NAALADL2: variants seen among roughly 807,000 people sequenced by gnomAD.
NAALADL2 encodes N-acetylated alpha-linked acidic dipeptidase like 2, also known as inactive N-acetylated-alpha-linked acidic dipeptidase-like protein 2.
In NAALADL2, 76 loss-of-function variants were observed where a neutral mutation model predicts 87.2. The observed-to-expected ratio is 0.87, with a 90% confidence interval of 0.72 to 1.05. The LOEUF (loss-of-function observed/expected upper bound fraction) is 1.05. Ranked by LOEUF, NAALADL2 falls within the 50% of genes least tolerant of loss-of-function variation. The pLI is 0.00. For missense variants in NAALADL2, 1,089 were observed against 945.8 expected (o/e 1.15, Z -1.99); for synonymous variants, 354 against 331.0 (o/e 1.07, Z -0.75).
chr3:175,334,796 T>C (rs908602681), intron 5 of NAALADL2, among the ~76,000 whole-genome samples: 11 of 152,262 alleles, frequency 7.2e-5, no homozygotes, highest in Non-Finnish European at 1.5e-4. Context: ...CACAGCAGGA[T>C]TGGATAAAGG....
chr3:175,072,582 C>A (rs917013344), intron 1 of NAALADL2, among the ~76,000 whole-genome samples: 15 of 149,940 alleles, frequency 1.0e-4, no homozygotes, highest in Admixed American at 6.1e-4. Flanking sequence ...CCATCTTGAA[C>A]AGACATTACT....
chr3:175,611,848 G>T (rs1016884899), intron 10 of NAALADL2, among the ~76,000 whole-genome samples: 2 of 152,116 alleles, frequency 1.3e-5, no homozygotes, highest in African/African-American at 4.8e-5. Context: ...ATCCACTGGG[G>T]CTAAAATAGT....
chr3:175,743,419 G>C (rs1380203324), intron 12 of NAALADL2, among the ~76,000 whole-genome samples: 1 of 152,134 alleles, frequency 6.6e-6, no homozygotes, highest in Non-Finnish European at 1.5e-5. Flanking sequence ...AGGGTGTCCT[G>C]AACCCCATCA....
chr3:174,918,375 T>TAAAAAATG (rs1734696887), intron 1 of NAALADL2, among the ~76,000 whole-genome samples: 1 of 152,046 alleles, frequency 6.6e-6, no homozygotes, highest in African/African-American at 2.4e-5. Context: ...ACTTTTTCTG[T>TAAAAAATG]AAAAAATGGA....
Position 175,776,004 on chromosome 3 carries a change from G to A in NAALADL2, c.2189+20586G>A, listed in dbSNP as rs570374458. On this transcript the variant is annotated intron_variant, in intron 13 of 13. Transcript: ENST00000454872. Reference sequence around the variant, plus strand: ...CTGTATCCTTTTCTCCCTCACTTCCGTCTAAGAGTAAAAGCGATTTTTTCC... The same window carrying A: ...CTGTATCCTTTTCTCCCTCACTTCCATCTAAGAGTAAAAGCGATTTTTTCC... 3.9e-5 allele frequency among the ~76,000 whole-genome samples: 6 copies of A among 151,946 alleles called. No homozygotes were observed. In the South Asian group the frequency reaches 1.0e-3, roughly 26 times the overall value.
chr3:174,501,192 C>G (rs1342494109), intron 1 of NAALADL2, among the ~76,000 whole-genome samples: 1 of 142,724 alleles, frequency 7.0e-6, no homozygotes, highest in Admixed American at 6.7e-5. Context: ...CATTCTCCTG[C>G]CTCAGCCTCC....
At chr3:175,435,424 A>T (rs920229907) in intron 5 of NAALADL2, among the ~76,000 whole-genome samples, 1 of 152,084 alleles carries the variant, frequency 6.6e-6, no homozygotes, top group African/African-American at 2.4e-5. Context: ...ATTTCAACTA[A>T]CATATAATTA....
At chr3:175,313,638 A>G (rs913156188) in intron 4 of NAALADL2, among the ~76,000 whole-genome samples, 31 of 152,208 alleles carry the variant, frequency 2.0e-4, no homozygotes, top group Admixed American at 2.0e-3. Context: ...TTCAACTACT[A>G]TTCCCTTGCT....
chr3:175,313,397 G>T (rs1758633117), intron 4 of NAALADL2, among the ~76,000 whole-genome samples: 1 of 152,108 alleles, frequency 6.6e-6, no homozygotes, highest in Admixed American at 6.5e-5. Flanking sequence ...AGCTTTTCTA[G>T]CTATAGAGGC....
intron 2 of NAALADL2, among the ~76,000 whole-genome samples, chr3:175,175,119 G>T (rs1473730134): frequency 6.6e-6 from 1 of 151,922 alleles, no homozygotes; most frequent in Non-Finnish European, 1.5e-5. Flanking sequence ...ATCCAGTAAA[G>T]ACTTGGTTTG....
chr3:175,124,914 G>A (rs1726709794), intron 2 of NAALADL2, among the ~76,000 whole-genome samples: 1 of 151,958 alleles, frequency 6.6e-6, no homozygotes, highest in Non-Finnish European at 1.5e-5. Flanking sequence ...ATATATTAGA[G>A]TAGAGACATG....
chr3:175,662,909 T>C (rs1219582083), intron 11 of NAALADL2, among the ~76,000 whole-genome samples: 1 of 151,972 alleles, frequency 6.6e-6, no homozygotes, highest in Non-Finnish European at 1.5e-5. Context: ...TTTTGAGGAA[T>C]TCAGCATTTA....
intron 5 of NAALADL2, among the ~76,000 whole-genome samples, chr3:175,387,834 T>G (rs1409911555): frequency 6.6e-6 from 1 of 152,128 alleles, no homozygotes; most frequent in East Asian, 1.9e-4. Flanking sequence ...CAGGATCTAT[T>G]CCAAACACTA....
At chr3:175,138,925 T>TATATATATATATATATATATATA (rs1729571918) in intron 2 of NAALADL2, among the ~76,000 whole-genome samples, 1 of 136,424 alleles carries the variant, frequency 7.3e-6, no homozygotes, top group African/African-American at 2.7e-5. Context: ...TATATATATA[T>TATATATATATATATATATATATA]GATAGTGAAG....
intron 5 of NAALADL2, among the ~76,000 whole-genome samples, chr3:175,411,420 G>A (rs1372602887): frequency 6.6e-6 from 1 of 152,104 alleles, no homozygotes; most frequent in Admixed American, 6.5e-5. Context: ...CGGACTGGGG[G>A]TAAAAATTTG....
chr3:175,580,614 T>C (rs1719625283), intron 10 of NAALADL2, among the ~76,000 whole-genome samples: 1 of 152,196 alleles, frequency 6.6e-6, no homozygotes, highest in South Asian at 2.1e-4. Flanking sequence ...CTGTTTCATG[T>C]GGGTAACTAC....
At chr3:175,472,343 C>T (rs1270175011) in intron 9 of NAALADL2, among the ~76,000 whole-genome samples, 3 of 152,016 alleles carry the variant, frequency 2.0e-5, no homozygotes, top group Non-Finnish European at 4.4e-5. Context: ...TCACTTCTCG[C>T]CTAATTTAAA....
chr3:174,564,735 T>C (rs1470875623), intron 2 of NAALADL2, among the ~76,000 whole-genome samples: 1 of 152,140 alleles, frequency 6.6e-6, no homozygotes, highest in Non-Finnish European at 1.5e-5. Flanking sequence ...TGATTTATTA[T>C]AACAAAATTG....
At chr3:175,547,974 A>C (rs966555931) in intron 9 of NAALADL2, among the ~76,000 whole-genome samples, 2 of 151,992 alleles carry the variant, frequency 1.3e-5, no homozygotes, top group African/African-American at 4.8e-5. Context: ...CAGTTCAACT[A>C]TTGTAGAAGA....
Sources: gnomAD v4.1 joint callset for allele counts (sites outside exome capture counted in the v4.1 genomes callset) on GRCh38, gnomAD v4.1.1 for gene constraint, MANE v1.5 for transcripts, NCBI Gene and HGNC (gene_info 2026-07-23, HGNC 2026-07-21) for gene names.